TMEM11: variants seen among roughly 807,000 people sequenced by gnomAD.
TMEM11 encodes the protein transmembrane protein 11, mitochondrial.
In TMEM11, 1 loss-of-function variant was observed where a neutral mutation model predicts 17.0. The ratio of observed to expected loss-of-function variants is 0.06; its 90% confidence interval spans 0.02 to 0.28. TMEM11 has a LOEUF of 0.28. Among genes scored for constraint, TMEM11 ranks in the 10% least tolerant of loss-of-function variants. The pLI, the probability that TMEM11 is intolerant of heterozygous loss-of-function variation, is 1.00. For missense variants in TMEM11, 172 were observed against 252.9 expected, an observed-to-expected ratio of 0.68 and a Z score of 2.17; for synonymous variants, 122 against 118.1, an observed-to-expected ratio of 1.03 and a Z score of -0.21.
chr17:21,205,684 C>G (rs750827135), intron 1 of TMEM11, among the ~76,000 whole-genome samples: 10 of 152,032 alleles, frequency 6.6e-5, no homozygotes, highest in Non-Finnish European at 1.5e-4. Flanking sequence ...TGAAACTCTA[C>G]CCATGAAATG....
intron 1 of TMEM11, among the ~76,000 whole-genome samples, chr17:21,201,504 C>A (rs1109513): frequency 0.49 from 73,953 of 151,668 alleles, 18,130 homozygotes; most frequent in Non-Finnish European, 0.53. Context: ...TAAGACTGCA[C>A]GAGCAGCTTA....
intron 1 of TMEM11, among the ~76,000 whole-genome samples, chr17:21,200,744 C>T (rs560478494): frequency 2.0e-5 from 3 of 152,202 alleles, no homozygotes; most frequent in East Asian, 1.9e-4. Flanking sequence ...TCATGGCTAA[C>T]GAGAAGCACA....
chr17:21,204,530 A>G (rs1057169752), intron 1 of TMEM11, among the ~76,000 whole-genome samples: 10 of 151,980 alleles, frequency 6.6e-5, no homozygotes, highest in African/African-American at 2.4e-4. Context: ...GGCAGGGTTC[A>G]GAAGAGTGTT....
chr17:21,214,131 G>C lies in TMEM11; in HGVS notation c.22C>G (p.Arg8Gly). Reference protein sequence around the residue: MAAWGRRRLGPGSSGGSA... With the variant: MAAWGRRGLGPGSSGGSA... ...CCGCCACTGCTGCCCGGGCCAAGAC[G>C]CCTCCTTCCCCAAGCGGCCATCTTG... is the stretch of plus-strand genomic sequence containing the variant. Residue 8 changes from arginine to glycine, a missense_variant, in exon 1 of 2, where the codon CGT (arginine) becomes GGT (glycine). Physicochemically the swap from Arg to Gly is moderately radical, Grantham distance 125. This residue lies in a region of TMEM11 where 49 missense variants were observed against 39.3 expected (regional missense o/e 1.25). Coordinates refer to ENST00000317635, the MANE Select transcript of TMEM11 (RefSeq NM_003876.3). The C allele has an allele frequency of 6.2e-7, 1 of 1,612,298 alleles. No homozygotes were observed. Among genetic ancestry groups the C allele is most frequent in the Non-Finnish European group, 8.5e-7 (1 of 1,179,626 alleles).
intron 1 of TMEM11, chr17:21,208,332 A>G (rs371740971): frequency 4.3e-4 from 66 of 152,284 alleles, no homozygotes; most frequent in African/African-American, 1.6e-3. Flanking sequence ...TTATAAACTT[A>G]TTCTTAAAAA....
intron 1 of TMEM11, among the ~76,000 whole-genome samples, chr17:21,200,498 G>C (rs1974871890): frequency 6.6e-6 from 1 of 152,174 alleles, no homozygotes; most frequent in African/African-American, 2.4e-5. Context: ...GCCATGTTCT[G>C]TCACATGCCT....
At chr17:21,206,049 G>T (rs546231562) in intron 1 of TMEM11, among the ~76,000 whole-genome samples, 1,390 of 49,606 alleles carry the variant, frequency 0.028, 15 homozygotes, top group African/African-American at 0.073. Context: ...GCTTTTTTTG[G>T]GGGGGGGGTA....
At chr17:21,204,379 A>T (rs113489184) in intron 1 of TMEM11, among the ~76,000 whole-genome samples, 2,028 of 147,506 alleles carry the variant, frequency 0.014, 33 homozygotes, top group Admixed American at 0.052. Context: ...GGTTGCAGTG[A>T]GCTGAGATCA....
rs554370910 is a variant in TMEM11 at position 21,208,016 on chromosome 17, G to A, written c.62+6075C>T. 1.4e-3 allele frequency among the ~76,000 whole-genome samples: 211 copies of A among 148,654 alleles called. 1 individual carries two copies. Among genetic ancestry groups the A allele is most frequent in the South Asian group, 4.9e-3 (23 of 4,696 alleles). The stretch of plus-strand genomic sequence containing the variant: ...TGTTTCTTTTTTTTTTTTTTGAGAC[G>A]GAGTCTCGCTCTGTCGCCCAGGCTC... On this transcript the variant is annotated intron_variant, in intron 1 of 1. Coordinates refer to ENST00000317635, the MANE Select transcript of TMEM11 (RefSeq NM_003876.3).
At chr17:21,211,837 CT>C (rs1975006418) in intron 1 of TMEM11, among the ~76,000 whole-genome samples, 1 of 152,232 alleles carries the variant, frequency 6.6e-6, no homozygotes, top group Non-Finnish European at 1.5e-5. Flanking sequence ...TAACATGGAG[CT>C]GAGATTTGAG....
chr17:21,203,492 A>AGGCG (rs1974905922), intron 1 of TMEM11, among the ~76,000 whole-genome samples: 1 of 122,386 alleles, frequency 8.2e-6, no homozygotes, highest in South Asian at 2.6e-4. Flanking sequence ...AAAGGTGTGC[A>AGGCG]GATCACTTGA....
chr17:21,205,289 A>C (rs1974930505), intron 1 of TMEM11, among the ~76,000 whole-genome samples: 1 of 152,166 alleles, frequency 6.6e-6, no homozygotes, highest in Non-Finnish European at 1.5e-5. Context: ...CGGGGAGAGC[A>C]GAATCGCACC....
At chr17:21,209,151 G>A (rs1567637249) in intron 1 of TMEM11, among the ~76,000 whole-genome samples, 2 of 152,332 alleles carry the variant, frequency 1.3e-5, no homozygotes, top group Admixed American at 1.3e-4. Flanking sequence ...CAGCCCTTTC[G>A]TCTGCTTCAG....
intron 1 of TMEM11, chr17:21,208,468 C>A (rs1974968436): frequency 6.6e-6 from 1 of 152,044 alleles, no homozygotes; most frequent in African/African-American, 2.4e-5. Flanking sequence ...TCTCGGTGTC[C>A]ATGAAAGGCA....
At chr17:21,213,796 C>T in intron 1 of TMEM11, 2 of 435,910 alleles carry the variant, frequency 4.6e-6, no homozygotes, top group Non-Finnish European at 8.2e-6. Flanking sequence ...CTGAGGCCTG[C>T]GCTGGGCGCC....
chr17:21,205,953 T>C (rs1275341010), intron 1 of TMEM11, among the ~76,000 whole-genome samples: 2 of 152,262 alleles, frequency 1.3e-5, no homozygotes, highest in East Asian at 1.9e-4. Flanking sequence ...TCCATTCATC[T>C]GTGATGGACA....
chr17:21,212,846 A>G (rs1192621904), intron 1 of TMEM11, among the ~76,000 whole-genome samples: 1 of 150,690 alleles, frequency 6.6e-6, no homozygotes, highest in Non-Finnish European at 1.5e-5. Context: ...AAAACCATTG[A>G]GGTAACTTAT....
chr17:21,201,416 T>C (rs1974882221), intron 1 of TMEM11, among the ~76,000 whole-genome samples: 1 of 152,102 alleles, frequency 6.6e-6, no homozygotes, highest in South Asian at 2.1e-4. Flanking sequence ...CTCCTAAACA[T>C]GGGTTGCTGC....
chr17:21,199,500 G>A (rs1344824224), intron 1 of TMEM11, among the ~76,000 whole-genome samples: 1 of 152,098 alleles, frequency 6.6e-6, no homozygotes, highest in Non-Finnish European at 1.5e-5. Flanking sequence ...GAGCACACAC[G>A]GCAGCAGAGG....
Sources: allele counts gnomAD v4.1 joint callset (sites outside exome capture counted in the v4.1 genomes callset), GRCh38; gene constraint gnomAD v4.1.1; regional missense constraint gnomAD v4.1.1; transcripts MANE v1.5; gene names NCBI Gene and HGNC (gene_info 2026-07-23, HGNC 2026-07-21).